Variants in CD6 observed in about 807,000 individuals in gnomAD.
CD6 encodes the protein CD6 molecule.
CD6 carries 53 observed loss-of-function variants against 75.3 expected under a neutral mutation model. The observed-to-expected ratio is 0.70, with a 90% CI of 0.56 to 0.88. CD6 has a LOEUF of 0.88. Among genes scored for constraint, CD6 ranks in the 40% least tolerant of loss-of-function variants. CD6 has a pLI of 0.00. For synonymous variants in CD6, 359 were observed against 381.5 expected (o/e 0.94, Z 0.69); for missense variants, 770 against 897.1 (o/e 0.86, Z 1.81).
chr11:60,997,030 C>G (rs554151822), intron 1 of CD6, among the ~76,000 whole-genome samples: 1 of 152,106 alleles, frequency 6.6e-6, no homozygotes. Context: ...TACATAGGTA[C>G]CTTCCCCCCA....
At chr11:60,993,670 C>T (rs2135086992) in intron 1 of CD6, among the ~76,000 whole-genome samples, 1 of 152,260 alleles carries the variant, frequency 6.6e-6, no homozygotes, top group African/African-American at 2.4e-5. Context: ...CTATCTGTCC[C>T]CAGAGTCCCT....
chr11:60,984,171 T>C (rs923590759), intron 1 of CD6, among the ~76,000 whole-genome samples: 1 of 152,222 alleles, frequency 6.6e-6, no homozygotes, highest in Non-Finnish European at 1.5e-5. Flanking sequence ...AATATGTAAA[T>C]ATCTTACTCT....
In CD6 at chr11:61,011,178, CGTGTGTGTGT is replaced by C. The variant is rs10528068; in HGVS notation, c.1150+60_1150+69del. On this transcript the variant is annotated intron_variant, in intron 6 of 12. Coordinates refer to ENST00000313421, the MANE Select transcript of CD6 (RefSeq NM_006725.5). The stretch of plus-strand genomic sequence containing the variant: ...CTACGCGGTTTCTCAGAAGCTTGGA[CGTGTGTGTGT>C]GTGTGTGTGTGTGTGTTCCTGTGCA... 22 of 898,668 alleles carry C rather than the reference CGTGTGTGTGT, an allele frequency of 2.4e-5. No individual in the cohort carries two copies. In the African/African-American group the frequency reaches 3.6e-4, roughly 15 times the overall value. 55.7% of individuals were successfully genotyped at this position (898,668 alleles called of 1,614,324 possible). A position where few individuals can be genotyped will look rare whatever the true frequency, so the allele number is the denominator to read the frequency against.
chr11:61,013,492 T>C lies in CD6; in HGVS notation c.1220T>C (p.Val407Ala). Residue 407 changes from valine to alanine, a missense_variant, in exon 7 of 13, where the codon GTT (valine) becomes GCT (alanine). Physicochemically the swap from Val to Ala is moderately conservative, Grantham distance 64 (BLOSUM62 0). Transcript: ENST00000313421. ...RELMLLIPSI[V>A]LGILLLGSLI... ...CTAATGCTCCTCATCCCCTCCATCG[T>C]TCTGGGAATTCTCCTCCTTGGCTCC... The C allele has an allele frequency of 6.2e-7, 1 of 1,614,032 alleles. No homozygotes were observed. The highest frequency in any genetic ancestry group is 1.3e-5 in the African/African-American group (1 of 75,056).
chr11:61,006,696 C>A, intron 2 of CD6, 54 bp downstream of exon 2: 1 of 1,439,326 alleles, frequency 6.9e-7, no homozygotes, highest in East Asian at 2.4e-5. Flanking sequence ...AGGTGGTCCC[C>A]CAGGGTAATA....
At chr11:60,987,258 C>T (rs2135052158) in intron 1 of CD6, among the ~76,000 whole-genome samples, 1 of 152,292 alleles carries the variant, frequency 6.6e-6, no homozygotes, top group African/African-American at 2.4e-5. Flanking sequence ...CAATCTTGGG[C>T]ATTTCTTGAC....
At chr11:60,993,930 G>C (rs1248308654) in intron 1 of CD6, among the ~76,000 whole-genome samples, 1 of 152,206 alleles carries the variant, frequency 6.6e-6, no homozygotes, top group African/African-American at 2.4e-5. Flanking sequence ...GGGAGAGGAG[G>C]GGGAGTCCCA....
intron 1 of CD6, among the ~76,000 whole-genome samples, chr11:60,982,955 TG>T (rs1857637632): frequency 6.6e-6 from 1 of 151,908 alleles, no homozygotes; most frequent in African/African-American, 2.4e-5. Context: ...GGGACTGCTA[TG>T]GCCCAGTGTG....
chr11:60,998,849 GAAA>G (rs56391909), intron 1 of CD6, among the ~76,000 whole-genome samples: 6,007 of 129,358 alleles, frequency 0.046, 152 homozygotes, highest in Middle Eastern at 0.11. Context: ...ACACAAGGCA[GAAA>G]AAAAAAAAAA....
At chr11:60,972,910 G>C (rs1346800308) in intron 1 of CD6, among the ~76,000 whole-genome samples, 1 of 152,170 alleles carries the variant, frequency 6.6e-6, no homozygotes, top group Non-Finnish European at 1.5e-5. Flanking sequence ...CCTCATACTG[G>C]TTCAGGGAAA....
intron 12 of CD6, 126 bp downstream of exon 12, chr11:61,018,519 G>T: frequency 3.5e-6 from 2 of 579,710 alleles, no homozygotes; most frequent in South Asian, 2.4e-5. Flanking sequence ...AGAAGAGAGG[G>T]AAAGTAACTT....
At chr11:60,992,530 A>G (rs1858105838) in intron 1 of CD6, among the ~76,000 whole-genome samples, 2 of 152,116 alleles carry the variant, frequency 1.3e-5, no homozygotes, top group South Asian at 2.1e-4. Context: ...TGGGAATTCT[A>G]AAAGAGGGAC....
intron 1 of CD6, among the ~76,000 whole-genome samples, chr11:60,978,312 T>C (rs1857439943): frequency 6.6e-6 from 1 of 152,134 alleles, no homozygotes; most frequent in Non-Finnish European, 1.5e-5. Context: ...GACCCCCATT[T>C]CAGGGGCTCC....
chr11:60,983,598 T>G (rs1216009958), intron 1 of CD6, among the ~76,000 whole-genome samples: 1 of 152,060 alleles, frequency 6.6e-6, no homozygotes, highest in Non-Finnish European at 1.5e-5. Context: ...TAATGTCCCT[T>G]TCTCCTAAAT....
chr11:60,982,061 A>G (rs7106804), intron 1 of CD6, among the ~76,000 whole-genome samples: 6 of 4,164 alleles, frequency 1.4e-3, no homozygotes, highest in Admixed American at 7.5e-3. Context: ...AGCAGATGCC[A>G]GGGTGGCGGG....
intron 1 of CD6, among the ~76,000 whole-genome samples, chr11:61,002,845 C>A (rs562264670): frequency 8.4e-4 from 128 of 152,280 alleles, no homozygotes; most frequent in Non-Finnish European, 1.6e-3. Flanking sequence ...GAGCGAGGGA[C>A]GGTGGAACTC....
intron 1 of CD6, among the ~76,000 whole-genome samples, chr11:61,002,788 A>G (rs928445641): frequency 3.3e-5 from 5 of 152,336 alleles, no homozygotes; most frequent in Middle Eastern, 3.4e-3. Flanking sequence ...TCTCTGCATC[A>G]TAACACAATG....
rs527682457 is a variant in CD6, at chr11:61,019,427, G to C, written c.*109G>C. On this transcript the variant is annotated 3_prime_UTR_variant, in exon 13 of 13. Coordinates refer to ENST00000313421, the MANE Select transcript of CD6 (RefSeq NM_006725.5). Reference sequence around the variant, plus strand: ...CCAGCTCACCTCCCCATGGAGCTGAGAGGCCTCCCTTGGAGAGATGGAAGG... The same window carrying C: ...CCAGCTCACCTCCCCATGGAGCTGACAGGCCTCCCTTGGAGAGATGGAAGG... 29 of 823,912 alleles carry C rather than the reference G, an allele frequency of 3.5e-5. No individual in the cohort carries two copies. The highest frequency in any genetic ancestry group is 4.7e-5 in the Non-Finnish European group (25 of 526,632). The allele number at this position is 823,912 out of a possible 1,614,324, so 51.0% of individuals were successfully genotyped here.
At position 60,971,779 on chromosome 11, in the gene CD6, G is replaced by T. The variant is rs1056560221; in HGVS notation, c.-87G>T. 5 of 1,343,120 alleles carry T rather than the reference G, an allele frequency of 3.7e-6. No homozygotes were observed. Among genetic ancestry groups the T allele is most frequent in the Non-Finnish European group, 5.3e-6 (5 of 949,198 alleles). 83.2% of individuals were successfully genotyped at this position (1,343,120 alleles called of 1,614,324 possible). On this transcript the variant is annotated 5_prime_UTR_variant, in exon 1 of 13. Coordinates refer to ENST00000313421, the MANE Select transcript of CD6 (RefSeq NM_006725.5). ...AAGGGTAGAGCAGACCTGCGCCAGG[G>T]GCGCACAACGGCCGTGTCCACCTCC... is the stretch of plus-strand genomic sequence containing the variant.
Sources: gnomAD v4.1 joint callset for allele counts (sites outside exome capture counted in the v4.1 genomes callset) on GRCh38, gnomAD v4.1.1 for gene constraint, MANE v1.5 for transcripts, NCBI Gene and HGNC (gene_info 2026-07-23, HGNC 2026-07-21) for gene names.